The following CDHR3 variants were observed in gnomAD, a reference collection of about 807,000 sequenced individuals.
The protein encoded by CDHR3 is cadherin related family member 3, also known as cadherin-related family member 3.
CDHR3 carries 79 observed loss-of-function variants against 86.6 expected under a neutral mutation model. That is an observed-to-expected ratio of 0.91 (90% CI 0.76 to 1.10). The LOEUF (loss-of-function observed/expected upper bound fraction) is 1.10. Among genes scored for constraint, CDHR3 ranks in the 50% least tolerant of loss-of-function variants. CDHR3 has a pLI of 0.00. For synonymous variants in CDHR3, 421 were observed against 402.4 expected (o/e 1.05, Z -0.55); for missense variants, 1,081 against 1,077.6 (o/e 1.00, Z -0.04).
chr7:105,969,238 T>A, intron 1 of CDHR3, among the ~76,000 whole-genome samples: 2 of 137,016 alleles, frequency 1.5e-5, no homozygotes. Flanking sequence ...CTACTAAAAA[T>A]ACAAAAAAAA....
rs189120547 is a variant in CDHR3, at chr7:106,009,516, T to C, written c.1053-3344T>C. ...TCTCTGACACTTGCTCTTGAATGTT[T>C]GTTCCTTCCTTGGAGGCTGTGGGCG... is the stretch of plus-strand genomic sequence containing the variant. On this transcript the variant is annotated intron_variant, in intron 8 of 18. Coordinates refer to ENST00000317716, the MANE Select transcript of CDHR3 (RefSeq NM_152750.5). Among the ~76,000 whole-genome samples, 26 of 152,380 alleles carry C rather than the reference T, an allele frequency of 1.7e-4. No individual in the cohort carries two copies. The East Asian group carries it at 4.0e-3, about 24-fold the overall frequency.
chr7:105,995,727 A>G (rs912351048), intron 5 of CDHR3, among the ~76,000 whole-genome samples: 3 of 152,108 alleles, frequency 2.0e-5, no homozygotes, highest in African/African-American at 7.2e-5. Flanking sequence ...TCTAAGATGT[A>G]GTCATTAATG....
intron 1 of CDHR3, among the ~76,000 whole-genome samples, chr7:105,971,943 G>A (rs1462054529): frequency 1.3e-5 from 2 of 152,218 alleles, no homozygotes; most frequent in African/African-American, 2.4e-5. Context: ...TGTTGTTGCA[G>A]TGTCCCAGGG....
At chr7:105,976,975 C>T (rs1279895529) in intron 2 of CDHR3, among the ~76,000 whole-genome samples, 1 of 146,016 alleles carries the variant, frequency 6.8e-6, no homozygotes, top group African/African-American at 2.5e-5. Flanking sequence ...ATTCACATAC[C>T]TGATCTCTTT....
chr7:106,013,269 A>G (rs1164785549), intron 9 of CDHR3, among the ~76,000 whole-genome samples: 1 of 152,248 alleles, frequency 6.6e-6, no homozygotes, highest in Non-Finnish European at 1.5e-5. Context: ...TCTTCCTTGC[A>G]TAGCATGCAG....
Position 106,034,616 on chromosome 7 carries a change from T to A in CDHR3, c.*1919T>A, listed in dbSNP as rs1262992413. On this transcript the variant is annotated 3_prime_UTR_variant, in exon 19 of 19. Transcript: ENST00000317716. ...GCAAAAGAAGGCAGAACTGTTCATT[T>A]ATGCAGGTTAAAGTGAGTGAAGTGG... 6.6e-6 allele frequency among the ~76,000 whole-genome samples: 1 copy of A among 152,250 alleles called. No individual in the cohort carries two copies. The highest frequency in any genetic ancestry group is 1.5e-5 in the Non-Finnish European group (1 of 68,048).
intron 8 of CDHR3, 96 bp downstream of exon 8, chr7:106,004,783 A>G (rs1219032513): frequency 1.4e-5 from 17 of 1,206,182 alleles, no homozygotes; most frequent in Admixed American, 1.2e-4. Context: ...AATTATAAGC[A>G]TTTGGAGAAA....
chr7:105,967,420 G>A (rs1827146667), intron 1 of CDHR3, among the ~76,000 whole-genome samples: 1 of 152,204 alleles, frequency 6.6e-6, no homozygotes, highest in African/African-American at 2.4e-5. Flanking sequence ...AAACATACAT[G>A]TGTATGTGTC....
chr7:106,029,094 C>T (rs1416712818), intron 17 of CDHR3, among the ~76,000 whole-genome samples: 1 of 151,938 alleles, frequency 6.6e-6, no homozygotes, highest in Non-Finnish European at 1.5e-5. Context: ...ATTCTCATGC[C>T]TCGGCCTCCC....
In CDHR3 at chr7:106,024,482, C is replaced by A. The variant is rs2115896538; in HGVS notation, c.2178C>A (p.Leu726=). 1 of 1,614,068 alleles carries A rather than the reference C, an allele frequency of 6.2e-7. No individual in the cohort carries two copies. The highest frequency in any genetic ancestry group is 2.2e-5 in the East Asian group (1 of 44,884). ...ITLGSILLLG[L]LVYLVVLLAK... is the part of the protein sequence containing the mutation. ...TGGGCTCCATATTGCTTCTGGGTCTCCTCGTGTACCTGGTCGTCCTATTGG... is the reference window on the plus strand; with the variant it reads ...TGGGCTCCATATTGCTTCTGGGTCTACTCGTGTACCTGGTCGTCCTATTGG... The change falls in exon 15 of 19, where the codon CTC becomes CTA. Residue 726 remains leucine, a synonymous_variant. Coordinates refer to ENST00000317716, the MANE Select transcript of CDHR3 (RefSeq NM_152750.5).
chr7:105,999,421 T>A (rs919470580), intron 6 of CDHR3, among the ~76,000 whole-genome samples: 1 of 152,190 alleles, frequency 6.6e-6, no homozygotes, highest in Non-Finnish European at 1.5e-5. Flanking sequence ...CAGAGTTTCT[T>A]AAACAGCGGA....
chr7:106,028,079 C>A (rs1016997783), intron 16 of CDHR3, among the ~76,000 whole-genome samples: 1 of 150,750 alleles, frequency 6.6e-6, no homozygotes. Context: ...GAGTTGTGAC[C>A]GCACTCTAGC....
chr7:106,030,704 T>C lies in CDHR3; in HGVS notation c.2305-88T>C. On this transcript the variant is annotated intron_variant, in intron 17 of 18. Transcript: ENST00000317716. The surrounding 1 kb of genome is among the most constrained non-coding windows in gnomAD (Gnocchi z 4.8). ...ACTTAGAAGTCAAGAAGGCTTTGGT[T>C]AAGGAACTTGGGTTGTGAGGATGTG... 2 of 1,293,176 alleles carry C rather than the reference T, an allele frequency of 1.5e-6. No homozygotes were observed. The highest frequency in any genetic ancestry group is 2.2e-6 in the Non-Finnish European group (2 of 910,878). The allele number at this position is 1,293,176 out of a possible 1,614,324, so 80.1% of individuals were successfully genotyped here. A position where few individuals can be genotyped will look rare whatever the true frequency, so the allele number is the denominator to read the frequency against.
intron 15 of CDHR3, among the ~76,000 whole-genome samples, chr7:106,025,146 A>T (rs1837168697): frequency 6.6e-6 from 1 of 151,986 alleles, no homozygotes; most frequent in Non-Finnish European, 1.5e-5. Context: ...CCAATCTGTG[A>T]TGTGTCTTTT....
chr7:106,013,057 A>G (rs777539890), intron 9 of CDHR3, 26 bp downstream of exon 9: 30 of 1,546,910 alleles, frequency 1.9e-5, no homozygotes, highest in East Asian at 1.6e-4. Context: ...TTGCATCATT[A>G]AAAGGGCATC....
intron 4 of CDHR3, among the ~76,000 whole-genome samples, chr7:105,991,404 A>T (rs1215654602): frequency 6.6e-6 from 1 of 152,142 alleles, no homozygotes; most frequent in Non-Finnish European, 1.5e-5. Context: ...AAAAAAAATC[A>T]AGATTCCAGG....
intron 4 of CDHR3, among the ~76,000 whole-genome samples, chr7:105,993,694 AAAAAAAAAAAAG>A (rs1831734863): frequency 7.4e-6 from 1 of 134,532 alleles, no homozygotes; most frequent in Non-Finnish European, 1.6e-5. Context: ...AAAAAAAAAA[AAAAAAAAAAAAG>A]AAGAAGAAGA....
chr7:105,984,402 T>A (rs1183192320), intron 4 of CDHR3, 113 bp downstream of exon 4: 1 of 637,144 alleles, frequency 1.6e-6, no homozygotes, highest in Non-Finnish European at 2.7e-6. Flanking sequence ...CAGGGGAATG[T>A]GCGTCCACTT....
intron 1 of CDHR3, among the ~76,000 whole-genome samples, chr7:105,966,786 C>T (rs533476454): frequency 1.3e-5 from 2 of 152,286 alleles, no homozygotes; most frequent in East Asian, 1.9e-4. Flanking sequence ...CATCCACTTT[C>T]GCCTCCATGT....
Sources: gnomAD v4.1 joint callset for allele counts (sites outside exome capture counted in the v4.1 genomes callset) on GRCh38, gnomAD v4.1.1 for gene constraint, Gnocchi (gnomAD v3.1) non-coding constraint, MANE v1.5 for transcripts, NCBI Gene and HGNC (gene_info 2026-07-23, HGNC 2026-07-21) for gene names.